Variants in RAB3B observed in about 807,000 individuals in gnomAD.
The protein encoded by RAB3B is RAB3B, member RAS oncogene family.
RAB3B carries 11 observed loss-of-function variants against 20.5 expected under a neutral mutation model. That is an observed-to-expected ratio of 0.54 (90% CI 0.34 to 0.89). RAB3B has a LOEUF of 0.89. Among genes scored for constraint, RAB3B ranks in the 40% least tolerant of loss-of-function variants. The pLI is 0.02. For missense variants in RAB3B, 225 were observed against 280.9 expected, an observed-to-expected ratio of 0.80 and a Z score of 1.42; for synonymous variants, 99 against 106.3, an observed-to-expected ratio of 0.93 and a Z score of 0.42.
At chr1:51,977,956 G>A (rs891063947) in intron 1 of RAB3B, among the ~76,000 whole-genome samples, 3 of 152,076 alleles carry the variant, frequency 2.0e-5, no homozygotes, top group Admixed American at 2.0e-4. Context: ...ACCAACCTGT[G>A]CTTCCCTTAG....
Position 51,950,899 on chromosome 1 carries a change from T to A in RAB3B, c.229-13487A>T, listed in dbSNP as rs1044936334. ...CTGAGAGCTGAGACATTATGTCCCA[T>A]GGGAATGGAAGGAAACTGGAAGGGG... On this transcript the variant is annotated intron_variant, in intron 2 of 4. Transcript: ENST00000371655. Among the ~76,000 whole-genome samples the A allele has an allele frequency of 3.9e-5, 6 of 151,984 alleles. No homozygotes were observed. In the South Asian group the frequency reaches 8.3e-4, roughly 21 times the overall value.
chr1:51,965,732 T>C (rs531565645), intron 2 of RAB3B, among the ~76,000 whole-genome samples: 2 of 152,182 alleles, frequency 1.3e-5, no homozygotes, highest in South Asian at 4.1e-4. Context: ...GTATCTTGGA[T>C]TGGATCCTGC....
chr1:51,947,132 A>G (rs1684575805), intron 2 of RAB3B, among the ~76,000 whole-genome samples: 1 of 152,224 alleles, frequency 6.6e-6, no homozygotes, highest in African/African-American at 2.4e-5. Flanking sequence ...ACGGTGGCTC[A>G]TGCCAGTAAT....
At chr1:51,953,579 AG>A (rs1684668463) in intron 2 of RAB3B, among the ~76,000 whole-genome samples, 1 of 152,178 alleles carries the variant, frequency 6.6e-6, no homozygotes, top group Admixed American at 6.5e-5. Flanking sequence ...CAAGGCGGGC[AG>A]ATCATCTGAG....
intron 2 of RAB3B, among the ~76,000 whole-genome samples, chr1:51,973,995 C>G (rs1213718552): frequency 1.3e-5 from 2 of 152,162 alleles, no homozygotes; most frequent in Non-Finnish European, 2.9e-5. Context: ...CTTCAGTTCC[C>G]TAAGGAATCA....
At chr1:51,929,969 A>G (rs909701193) in intron 4 of RAB3B, among the ~76,000 whole-genome samples, 1 of 152,186 alleles carries the variant, frequency 6.6e-6, no homozygotes, top group Admixed American at 6.5e-5. Flanking sequence ...GGTCCTTAGG[A>G]TAATGAAACA....
intron 1 of RAB3B, among the ~76,000 whole-genome samples, chr1:51,979,839 C>G (rs1685060671): frequency 6.6e-6 from 1 of 151,298 alleles, no homozygotes; most frequent in South Asian, 2.1e-4. Context: ...GTCAGGAGAT[C>G]GAGACCATCC....
chr1:51,967,522 T>TTTTTTTTTTTTTTTTTTC (rs1491499110), intron 2 of RAB3B, among the ~76,000 whole-genome samples: 1 of 43,232 alleles, frequency 2.3e-5, no homozygotes, highest in African/African-American at 6.8e-5. Flanking sequence ...TTTCTTTTTC[T>TTTTTTTTTTTTTTTTTTC]TTTTTTTTTT....
In RAB3B at chr1:51,917,723, A is replaced by T; in HGVS notation, c.*2204T>A. 6.8e-6 allele frequency: 1 copy of T among 147,256 alleles called. No individual in the cohort carries two copies. Among genetic ancestry groups the T allele is most frequent in the Non-Finnish European group, 1.5e-5 (1 of 66,416 alleles). 9.1% of individuals were successfully genotyped at this position (147,256 alleles called of 1,614,324 possible). A position where few individuals can be genotyped will look rare whatever the true frequency, so the allele number is the denominator to read the frequency against. On this transcript the variant is annotated 3_prime_UTR_variant, in exon 5 of 5. Transcript: ENST00000371655. Reference sequence around the variant, plus strand: ...AGGCATGCACCATCACATCTGGCTAATTTTTTTTTTTGTAGGGATAGAATT... The same window carrying T: ...AGGCATGCACCATCACATCTGGCTATTTTTTTTTTTTGTAGGGATAGAATT...
chr1:51,933,641 C>T (rs2124250271), intron 3 of RAB3B, among the ~76,000 whole-genome samples, 199 bp from the exon 4 acceptor site: 2 of 152,242 alleles, frequency 1.3e-5, no homozygotes, highest in Admixed American at 1.3e-4. Context: ...GGCTAGAGCC[C>T]TCTTTCTCTC....
chr1:51,967,521 C>CTTTTCTTTTTCTTTTTTTT (rs1684870734), intron 2 of RAB3B, among the ~76,000 whole-genome samples: 1 of 36,496 alleles, frequency 2.7e-5, no homozygotes, highest in African/African-American at 6.8e-5. Flanking sequence ...TTTTCTTTTT[C>CTTTTCTTTTTCTTTTTTTT]TTTTTTTTTT....
At chr1:51,922,475 C>G (rs978333188) in intron 4 of RAB3B, among the ~76,000 whole-genome samples, 1 of 152,124 alleles carries the variant, frequency 6.6e-6, no homozygotes, top group African/African-American at 2.4e-5. Context: ...GAGGCGAATA[C>G]TACCTACCCC....
chr1:51,975,362 T>A (rs543203470), intron 2 of RAB3B, among the ~76,000 whole-genome samples: 1 of 152,350 alleles, frequency 6.6e-6, no homozygotes, highest in East Asian at 1.9e-4. Context: ...CATAATTTAT[T>A]AGTACTATTG....
chr1:51,937,889 G>T (rs67428359), intron 2 of RAB3B, among the ~76,000 whole-genome samples: 1 of 148,878 alleles, frequency 6.7e-6, no homozygotes, highest in African/African-American at 2.5e-5. Flanking sequence ...AATTTAATAA[G>T]AATAATTAAA....
At chr1:51,955,784 T>G (rs1307308753) in intron 2 of RAB3B, among the ~76,000 whole-genome samples, 2 of 152,116 alleles carry the variant, frequency 1.3e-5, no homozygotes, top group African/African-American at 4.8e-5. Context: ...TTCAGAGACT[T>G]AACTAGATAG....
intron 2 of RAB3B, among the ~76,000 whole-genome samples, chr1:51,967,147 T>C (rs1373681805): frequency 6.6e-6 from 1 of 152,070 alleles, no homozygotes; most frequent in African/African-American, 2.4e-5. Context: ...AACCTGTCTC[T>C]ACTAAAAATA....
intron 1 of RAB3B, among the ~76,000 whole-genome samples, chr1:51,981,903 T>G (rs566981648): frequency 6.6e-6 from 1 of 152,334 alleles, no homozygotes; most frequent in East Asian, 1.9e-4. Flanking sequence ...ATACTTGATA[T>G]TGATAATAAA....
chr1:51,933,425 G>T lies in RAB3B; in HGVS notation c.365C>A (p.Thr122Asn). The stretch of plus-strand genomic sequence containing the variant: ...AACTTGTGCATTGTCCCAGGAGTAG[G>T]TCTTGATCTGAGTAGCCCTAAAATG... ...AVQDWATQIK[T>N]YSWDNAQVIL... is the part of the protein sequence containing the mutation. Residue 122 changes from threonine to asparagine, a missense_variant, in exon 4 of 5, where the codon ACC (threonine) becomes AAC (asparagine). Coordinates refer to ENST00000371655, the MANE Select transcript of RAB3B (RefSeq NM_002867.4). 6.2e-7 allele frequency: 1 copy of T among 1,612,652 alleles called. No homozygotes were observed. Among genetic ancestry groups the T allele is most frequent in the Non-Finnish European group, 8.5e-7 (1 of 1,178,816 alleles).
chr1:51,930,521 G>A (rs1368434312), intron 4 of RAB3B, among the ~76,000 whole-genome samples: 1 of 152,134 alleles, frequency 6.6e-6, no homozygotes, highest in African/African-American at 2.4e-5. Flanking sequence ...ACTTTGGCAA[G>A]TTACTCAACT....
Sources: allele counts gnomAD v4.1 joint callset (sites outside exome capture counted in the v4.1 genomes callset), GRCh38; gene constraint gnomAD v4.1.1; transcripts MANE v1.5; gene names NCBI Gene and HGNC (gene_info 2026-07-23, HGNC 2026-07-21).